Variants in TMTC1 observed in about 807,000 individuals in gnomAD.
TMTC1 encodes transmembrane O-mannosyltransferase targeting cadherins 1, also known as protein O-mannosyl-transferase TMTC1.
Under a neutral mutation model 104.8 loss-of-function variants are expected in TMTC1, and 73 were observed. The ratio of observed to expected loss-of-function variants is 0.70; its 90% CI spans 0.58 to 0.85. The LOEUF (loss-of-function observed/expected upper bound fraction) is 0.85. Among genes scored for constraint, TMTC1 ranks in the 40% least tolerant of loss-of-function variants. The probability of loss-of-function intolerance (pLI) is 0.00; values close to 1 mark genes in which losing one functional copy is unlikely to be tolerated. For missense variants in TMTC1, 1,035 were observed against 1,096.1 expected (o/e 0.94, Z 0.79); for synonymous variants, 434 against 428.7 (o/e 1.01, Z -0.15).
intron 9 of TMTC1, among the ~76,000 whole-genome samples, chr12:29,558,919 C>CT (rs2136267588): frequency 6.6e-6 from 1 of 152,282 alleles, no homozygotes. Context: ...AAGCTTGTGT[C>CT]TAAGAATTAC....
intron 5 of TMTC1, among the ~76,000 whole-genome samples, chr12:29,638,668 C>T (rs1591839827): frequency 6.6e-6 from 1 of 152,290 alleles, no homozygotes; most frequent in Admixed American, 6.5e-5. Context: ...ACACTCAACC[C>T]TAGATGCTGC....
chr12:29,767,579 C>G (rs1419417166), intron 2 of TMTC1, among the ~76,000 whole-genome samples: 2 of 152,156 alleles, frequency 1.3e-5, no homozygotes, highest in African/African-American at 2.4e-5. Flanking sequence ...CCATTCATTA[C>G]TACCCGTAAT....
At chr12:29,656,318 G>GGA (rs1383669736) in intron 5 of TMTC1, among the ~76,000 whole-genome samples, 8 of 114,810 alleles carry the variant, frequency 7.0e-5, no homozygotes, top group East Asian at 2.4e-4. Flanking sequence ...AAATTTCCCT[G>GGA]GATATATATA....
In TMTC1 at chr12:29,556,905, A is replaced by C; in HGVS notation, c.1628T>G (p.Leu543Arg). Residue 543 changes from leucine to arginine, a missense_variant, in exon 10 of 18, where the codon CTC (leucine) becomes CGC (arginine). Physicochemically the swap from Leu to Arg is moderately radical, Grantham distance 102 (BLOSUM62 -2). Coordinates refer to ENST00000539277, the MANE Select transcript of TMTC1 (RefSeq NM_001193451.2). The part of the protein sequence containing the change: ...AKMYYQRALQ[L>R]HPQHNRALFN... ...AAGAGCCCGGTTATGCTGTGGATGGAGCTGGAGAGCCCTCTGATAGTACAT... is the reference window on the plus strand; with the variant it reads ...AAGAGCCCGGTTATGCTGTGGATGGCGCTGGAGAGCCCTCTGATAGTACAT... The C allele has an allele frequency of 6.2e-7, 1 of 1,614,072 alleles. No individual in the cohort carries two copies. The highest frequency in any genetic ancestry group is 8.5e-7 in the Non-Finnish European group (1 of 1,179,946).
chr12:29,553,842 C>T (rs80189877), intron 10 of TMTC1, among the ~76,000 whole-genome samples: 2,455 of 152,244 alleles, frequency 0.016, 67 homozygotes, highest in African/African-American at 0.056. Flanking sequence ...ATCTTTTGCT[C>T]AGGTCTTAGC....
At position 29,526,953 on chromosome 12, in the gene TMTC1, A is replaced by G. The variant is rs191102806; in HGVS notation, c.1786-6233T>C. Among the ~76,000 whole-genome samples the G allele has an allele frequency of 1.7e-3, 263 of 152,284 alleles. 3 individuals carry two copies. Among genetic ancestry groups the G allele is most frequent in the African/African-American group, 5.9e-3 (247 of 41,564 alleles). Reference sequence around the variant, plus strand: ...CATAACTCAAGGCTAAACATTACTTATTTGACAATGCTTCTCATAGTTTAA... The same window carrying G: ...CATAACTCAAGGCTAAACATTACTTGTTTGACAATGCTTCTCATAGTTTAA... On this transcript the variant is annotated intron_variant, in intron 11 of 17. Transcript: ENST00000539277.
At chr12:29,651,889 CA>C (rs955342754) in intron 5 of TMTC1, among the ~76,000 whole-genome samples, 105 of 140,444 alleles carry the variant, frequency 7.5e-4, no homozygotes, top group African/African-American at 2.6e-3. Flanking sequence ...ATAACTGAAG[CA>C]AAAAACTTGC....
chr12:29,535,309 G>A (rs1045131394), intron 11 of TMTC1: 1 of 152,144 alleles, frequency 6.6e-6, no homozygotes, highest in African/African-American at 2.4e-5. Flanking sequence ...CACAGACAGA[G>A]GTTTTTAATC....
At chr12:29,552,866 T>C (rs1376535894) in intron 10 of TMTC1, among the ~76,000 whole-genome samples, 2 of 152,338 alleles carry the variant, frequency 1.3e-5, no homozygotes, top group East Asian at 1.9e-4. Flanking sequence ...AGTGAATAAA[T>C]AGTAAAACAG....
chr12:29,517,551 T>G lies in TMTC1; in HGVS notation c.2045A>C (p.Lys682Thr), dbSNP rs944131135. The part of the protein sequence containing the change: ...WYKRALQVAH[K>T]AEILSPLGAL... ...TCCCAAAGGTGACAATATCTCAGCT[T>G]TGTGTGCCACCTGCAGGGCGCTGAG... is the stretch of plus-strand genomic sequence containing the variant. Residue 682 changes from lysine to threonine, a missense_variant, in exon 14 of 18, where the codon AAA becomes ACA. Transcript: ENST00000539277. The G allele has an allele frequency of 1.2e-6, 2 of 1,614,168 alleles. No homozygotes were observed. The highest frequency in any genetic ancestry group is 3.3e-5 in the Admixed American group (2 of 60,022).
At chr12:29,757,695 C>A (rs1265376340) in intron 3 of TMTC1, among the ~76,000 whole-genome samples, 2 of 152,120 alleles carry the variant, frequency 1.3e-5, no homozygotes, top group Non-Finnish European at 2.9e-5. Context: ...GAGACTGGGC[C>A]ACTTACAAAA....
At position 29,506,763 on chromosome 12, in the gene TMTC1, C is replaced by T; in HGVS notation, c.*83G>A. 1 of 1,534,586 alleles carries T rather than the reference C, an allele frequency of 6.5e-7. No homozygotes were observed. The highest frequency in any genetic ancestry group is 2.3e-5 in the East Asian group (1 of 44,368). On this transcript the variant is annotated 3_prime_UTR_variant, in exon 18 of 18. Coordinates refer to ENST00000539277, the MANE Select transcript of TMTC1 (RefSeq NM_001193451.2). ...GAGAGAAAATCTCATTAGTTGTGCCCCTGCTGATGTGAAAGCAAGGCTTCC... is the reference window on the plus strand; with the variant it reads ...GAGAGAAAATCTCATTAGTTGTGCCTCTGCTGATGTGAAAGCAAGGCTTCC...
chr12:29,510,216 T>C (rs908386777), intron 17 of TMTC1, among the ~76,000 whole-genome samples: 2 of 152,174 alleles, frequency 1.3e-5, no homozygotes, highest in African/African-American at 4.8e-5. Context: ...AGCATATTAG[T>C]GTACTGAATA....
At chr12:29,655,360 T>C (rs2077960282) in intron 5 of TMTC1, among the ~76,000 whole-genome samples, 1 of 152,156 alleles carries the variant, frequency 6.6e-6, no homozygotes, top group African/African-American at 2.4e-5. Context: ...GGCAAATCAG[T>C]AACAATTTTT....
intron 5 of TMTC1, among the ~76,000 whole-genome samples, chr12:29,636,950 A>G (rs1343589020): frequency 6.6e-6 from 1 of 151,992 alleles, no homozygotes; most frequent in Admixed American, 6.6e-5. Flanking sequence ...CAGCTAGTCC[A>G]GAGGCTGAGT....
chr12:29,509,731 A>G (rs1384345964), intron 17 of TMTC1, among the ~76,000 whole-genome samples: 1 of 152,228 alleles, frequency 6.6e-6, no homozygotes, highest in African/African-American at 2.4e-5. Context: ...TGGTCAGCCT[A>G]GTACATGATG....
chr12:29,577,162 C>T (rs905370372), intron 8 of TMTC1, among the ~76,000 whole-genome samples: 5 of 151,952 alleles, frequency 3.3e-5, no homozygotes, highest in African/African-American at 4.8e-5. Flanking sequence ...TCTTTTTTAG[C>T]ATATCTAGTG....
chr12:29,620,847 G>A (rs1372022760), intron 6 of TMTC1, among the ~76,000 whole-genome samples: 1 of 152,216 alleles, frequency 6.6e-6, no homozygotes, highest in Non-Finnish European at 1.5e-5. Flanking sequence ...GCAGGGAGAA[G>A]AGGCTGCATC....
intron 5 of TMTC1, among the ~76,000 whole-genome samples, chr12:29,751,366 C>T (rs1000048875): frequency 6.6e-6 from 1 of 152,058 alleles, no homozygotes; most frequent in African/African-American, 2.4e-5. Flanking sequence ...ACGTTCTCCT[C>T]CCCCAGGAAA....
Sources: gnomAD v4.1 joint callset for allele counts (sites outside exome capture counted in the v4.1 genomes callset) on GRCh38, gnomAD v4.1.1 for gene constraint, MANE v1.5 for transcripts, NCBI Gene and HGNC (gene_info 2026-07-23, HGNC 2026-07-21) for gene names.